The following WDR89 variants were observed in gnomAD, a reference collection of about 807,000 sequenced individuals.
The protein encoded by WDR89 is WD repeat-containing protein 89.
WDR89 carries 17 observed loss-of-function variants against 29.1 expected under a neutral mutation model. The observed-to-expected ratio is 0.58, with a 90% CI of 0.40 to 0.88. WDR89 has a LOEUF of 0.88. WDR89 is among the 40% of genes least tolerant of loss of function. The probability of loss-of-function intolerance (pLI) is 0.00; values close to 1 mark genes in which losing one functional copy is unlikely to be tolerated. For synonymous variants in WDR89, 138 were observed against 157.8 expected (o/e 0.87, Z 0.94); for missense variants, 396 against 456.3 (o/e 0.87, Z 1.20).
Position 63,597,803 on chromosome 14 carries a change from C to T in WDR89, c.*976G>A, listed in dbSNP as rs574649079. ...AGGCACCATCACGTTTTTGTTTCTT[C>T]CCCCTCATTTCCCCGCCCCTACCAG... On this transcript the variant is annotated 3_prime_UTR_variant, in exon 3 of 3. Transcript: ENST00000620954. 28 of 152,336 alleles carry T rather than the reference C, an allele frequency of 1.8e-4. No individual in the cohort carries two copies. The highest frequency in any genetic ancestry group is 6.3e-4 in the African/African-American group (26 of 41,560). 9.4% of individuals were successfully genotyped at this position (152,336 alleles called of 1,614,324 possible).
At chr14:63,634,806 G>A (rs376565281) in intron 1 of WDR89, among the ~76,000 whole-genome samples, 20 of 150,900 alleles carry the variant, frequency 1.3e-4, no homozygotes, top group African/African-American at 4.6e-4. Context: ...GGAGGCGGAG[G>A]TTGCGGTGAG....
intron 2 of WDR89, among the ~76,000 whole-genome samples, chr14:63,611,630 G>C (rs1045008587): frequency 3.3e-5 from 5 of 151,968 alleles, no homozygotes; most frequent in African/African-American, 4.8e-5. Context: ...ACATTAGGGA[G>C]GCTGGGTGAA....
At chr14:63,635,386 C>G (rs1883664933) in intron 1 of WDR89, among the ~76,000 whole-genome samples, 1 of 152,168 alleles carries the variant, frequency 6.6e-6, no homozygotes, top group Admixed American at 6.6e-5. Context: ...ATCACATGAT[C>G]ATCTCAATAG....
chr14:63,627,604 A>C (rs1373499329), intron 1 of WDR89, among the ~76,000 whole-genome samples: 1 of 152,134 alleles, frequency 6.6e-6, no homozygotes, highest in Non-Finnish European at 1.5e-5. Context: ...TCAACCATTT[A>C]TCTTTTTACT....
chr14:63,614,311 CTTT>C (rs113657972), intron 2 of WDR89, among the ~76,000 whole-genome samples: 6 of 141,858 alleles, frequency 4.2e-5, no homozygotes, highest in Admixed American at 7.1e-5. Flanking sequence ...TTCTTTTTTT[CTTT>C]TTTTTTTTTT....
chr14:63,625,187 T>C (rs903615669), intron 1 of WDR89, among the ~76,000 whole-genome samples, 154 bp from the exon 2 acceptor site: 6 of 151,956 alleles, frequency 3.9e-5, no homozygotes, highest in Non-Finnish European at 5.9e-5. Context: ...AAAAAGGAAC[T>C]AGAGATATAT....
chr14:63,609,708 T>C (rs1167842801), intron 2 of WDR89, among the ~76,000 whole-genome samples: 3 of 151,924 alleles, frequency 2.0e-5, no homozygotes, highest in African/African-American at 7.3e-5. Context: ...GAGAATTGCT[T>C]ATACCTGGAA....
chr14:63,609,139 G>GA (rs1566791954), intron 2 of WDR89, among the ~76,000 whole-genome samples: 7 of 150,904 alleles, frequency 4.6e-5, no homozygotes, highest in African/African-American at 1.5e-4. Context: ...AAACAAAAAC[G>GA]AAGACTGGTA....
intron 1 of WDR89, among the ~76,000 whole-genome samples, chr14:63,640,500 C>T (rs1039029628): frequency 3.4e-4 from 51 of 149,790 alleles, no homozygotes; most frequent in Non-Finnish European, 5.3e-4. Context: ...TTTTTTTTCT[C>T]TTTTTTGAGA....
At position 63,641,025 on chromosome 14, in the gene WDR89, G is replaced by C. The variant is rs1480380127; in HGVS notation, c.-138+779C>G. On this transcript the variant is annotated intron_variant, in intron 1 of 2. Coordinates refer to ENST00000620954, the MANE Select transcript of WDR89 (RefSeq NM_080666.4). ...AGGCTGGAGAATCGCTTGAACCCGG[G>C]GGGCGGAGGTTGCAGTAAGCCGAGA... Among the ~76,000 whole-genome samples the C allele has an allele frequency of 2.1e-4, 32 of 149,004 alleles. No homozygotes were observed. In the South Asian group the frequency reaches 5.3e-3, roughly 25 times the overall value.
At chr14:63,612,795 A>G (rs1464430884) in intron 2 of WDR89, among the ~76,000 whole-genome samples, 1 of 152,184 alleles carries the variant, frequency 6.6e-6, no homozygotes, top group Non-Finnish European at 1.5e-5. Context: ...ACTCCTACTT[A>G]CTACTGCAGG....
intron 2 of WDR89, among the ~76,000 whole-genome samples, chr14:63,623,854 G>A (rs1882868486): frequency 6.6e-6 from 1 of 151,516 alleles, no homozygotes; most frequent in Non-Finnish European, 1.5e-5. Context: ...CTATCTGAAA[G>A]AAACCCATTT....
At chr14:63,641,097 CAAAAAAAAAAAA>C (rs57478091) in intron 1 of WDR89, among the ~76,000 whole-genome samples, 1 of 64,174 alleles carries the variant, frequency 1.6e-5, no homozygotes, top group African/African-American at 4.5e-5. Flanking sequence ...GACTCCATCT[CAAAAAAAAAAAA>C]AAAAAAGAAA....
rs71120271 is a variant in WDR89 at position 63,620,004 on chromosome 14, CAAAAAAA to C, written c.-32+4917_-32+4923del. Among the ~76,000 whole-genome samples the C allele has an allele frequency of 6.8e-3, 493 of 72,452 alleles. 4 individuals carry two copies. The highest frequency in any genetic ancestry group is 0.01 in the South Asian group (21 of 2,100). The allele number at this position is 72,452 out of a possible 152,430, so 47.5% of individuals were successfully genotyped here. A position where few individuals can be genotyped will look rare whatever the true frequency, so the allele number is the denominator to read the frequency against. On this transcript the variant is annotated intron_variant, in intron 2 of 2. Transcript: ENST00000620954. ...TGGGTGACAGAGCGAGACTCCATCT[CAAAAAAA>C]AAAAAAAAAAAAAGAAAAAGAAGAA...
At chr14:63,638,359 G>A (rs1595043078) in intron 1 of WDR89, among the ~76,000 whole-genome samples, 2 of 152,296 alleles carry the variant, frequency 1.3e-5, no homozygotes, top group Non-Finnish European at 2.9e-5. Context: ...GGCTTACGTG[G>A]GAACATCAGT....
At chr14:63,610,307 T>G (rs1881880345) in intron 2 of WDR89, among the ~76,000 whole-genome samples, 2 of 137,428 alleles carry the variant, frequency 1.5e-5, no homozygotes, top group Non-Finnish European at 3.2e-5. Flanking sequence ...TAAAAATGAA[T>G]CAGTAAATAA....
chr14:63,604,939 G>C (rs1408791373), intron 2 of WDR89, among the ~76,000 whole-genome samples: 1 of 152,046 alleles, frequency 6.6e-6, no homozygotes, highest in African/African-American at 2.4e-5. Context: ...CTTTAGCCTA[G>C]GAGTTTGAAA....
At chr14:63,629,774 T>A (rs1158423068) in intron 1 of WDR89, among the ~76,000 whole-genome samples, 2 of 152,214 alleles carry the variant, frequency 1.3e-5, no homozygotes, top group East Asian at 1.9e-4. Flanking sequence ...TTATTTTTTT[T>A]ATTTCTTCTC....
chr14:63,622,586 A>C (rs1882771966), intron 2 of WDR89, among the ~76,000 whole-genome samples: 1 of 151,836 alleles, frequency 6.6e-6, no homozygotes, highest in Non-Finnish European at 1.5e-5. Context: ...ATCTCAAAAA[A>C]ACAAACAATC....
Sources: allele counts gnomAD v4.1 joint callset (sites outside exome capture counted in the v4.1 genomes callset), GRCh38; gene constraint gnomAD v4.1.1; transcripts MANE v1.5; gene names NCBI Gene and HGNC (gene_info 2026-07-23, HGNC 2026-07-21).